ZSWIM6: variants seen among roughly 807,000 people sequenced by gnomAD.
The protein encoded by ZSWIM6 is zinc finger SWIM domain-containing protein 6.
Under a neutral mutation model 113.2 loss-of-function variants are expected in ZSWIM6, and 9 were observed. The ratio of observed to expected loss-of-function variants is 0.08; its 90% CI spans 0.05 to 0.14. ZSWIM6 has a LOEUF of 0.14. Among genes scored for constraint, ZSWIM6 ranks in the 10% least tolerant of loss-of-function variants. The pLI, the probability that ZSWIM6 is intolerant of heterozygous loss-of-function variation, is 1.00. For synonymous variants in ZSWIM6, 611 were observed against 606.5 expected (o/e 1.01, Z -0.11); for missense variants, 1,162 against 1,552.2 (o/e 0.75, Z 4.22).
rs185230335 is a variant in ZSWIM6 at position 61,428,616 on chromosome 5, C to T, written c.677-44065C>T. On this transcript the variant is annotated intron_variant, in intron 1 of 13. Coordinates refer to ENST00000252744, the MANE Select transcript of ZSWIM6 (RefSeq NM_020928.2). ...AGACTCCTGACCTTAAGCCATCCTC[C>T]CACCTTGACCCCCTAAAGTGTTGGA... Among the ~76,000 whole-genome samples the T allele has an allele frequency of 4.6e-5, 7 of 152,092 alleles. No homozygotes were observed. The South Asian group carries it at 1.2e-3, about 27-fold the overall frequency.
In ZSWIM6 at chr5:61,431,346, C is replaced by G. The variant is rs1228341428; in HGVS notation, c.677-41335C>G. 1.1e-4 allele frequency among the ~76,000 whole-genome samples: 15 copies of G among 134,764 alleles called. No homozygotes were observed. The South Asian group carries it at 3.6e-3, about 32-fold the overall frequency. The allele number at this position is 134,764 out of a possible 152,430, so 88.4% of individuals were successfully genotyped here. ...CGAGATCGTGCCACTGCACTCCAGC[C>G]TGGCGACAGAGCAAGACTCCATCTC... On this transcript the variant is annotated intron_variant, in intron 1 of 13. Coordinates refer to ENST00000252744, the MANE Select transcript of ZSWIM6 (RefSeq NM_020928.2).
At chr5:61,490,175 T>G (rs2112213359) in intron 2 of ZSWIM6, among the ~76,000 whole-genome samples, 1 of 152,164 alleles carries the variant, frequency 6.6e-6, no homozygotes, top group East Asian at 1.9e-4. Context: ...GCTGCTATCT[T>G]TGTGTGTACT....
chr5:61,388,748 G>C (rs1673819197), intron 1 of ZSWIM6, among the ~76,000 whole-genome samples: 1 of 152,202 alleles, frequency 6.6e-6, no homozygotes, highest in Non-Finnish European at 1.5e-5. Flanking sequence ...TAGTGACTGA[G>C]AGCTTTGAGT....
chr5:61,342,175 G>A (rs1377323506), intron 1 of ZSWIM6, among the ~76,000 whole-genome samples: 5 of 152,070 alleles, frequency 3.3e-5, no homozygotes, highest in East Asian at 1.9e-4. Context: ...CACCACACCC[G>A]GCCTTTAAAG....
chr5:61,439,457 A>AT (rs1211630148), intron 1 of ZSWIM6, among the ~76,000 whole-genome samples: 3 of 152,198 alleles, frequency 2.0e-5, no homozygotes, highest in Non-Finnish European at 2.9e-5. Flanking sequence ...TGCTTTTTAA[A>AT]TTGTGAAATA....
intron 3 of ZSWIM6, among the ~76,000 whole-genome samples, chr5:61,493,265 C>A (rs944382207): frequency 1.3e-5 from 2 of 152,112 alleles, no homozygotes; most frequent in Non-Finnish European, 1.5e-5. Context: ...ACAACCCCAT[C>A]TGAGTGAGTA....
intron 2 of ZSWIM6, among the ~76,000 whole-genome samples, chr5:61,477,282 T>TGGATTA (rs1288084846): frequency 2.0e-5 from 3 of 152,200 alleles, no homozygotes; most frequent in Non-Finnish European, 1.5e-5. Context: ...TCCCAGGAGC[T>TGGATTA]GGACTAATCC....
chr5:61,397,984 C>G (rs1257997833), intron 1 of ZSWIM6, among the ~76,000 whole-genome samples: 1 of 152,196 alleles, frequency 6.6e-6, no homozygotes, highest in Non-Finnish European at 1.5e-5. Flanking sequence ...CCCTGCTGTC[C>G]TGTAAGCCTC....
At chr5:61,435,157 G>A (rs866440021) in intron 1 of ZSWIM6, among the ~76,000 whole-genome samples, 18 of 152,256 alleles carry the variant, frequency 1.2e-4, no homozygotes, top group South Asian at 2.1e-4. Context: ...ATATGAAGAT[G>A]TCTTAAATAC....
chr5:61,454,214 A>AATTTAATTTTATTTT (rs1747149051), intron 1 of ZSWIM6, among the ~76,000 whole-genome samples: 1 of 128,466 alleles, frequency 7.8e-6, no homozygotes, highest in East Asian at 2.4e-4. Flanking sequence ...GAGTTCCCTA[A>AATTTAATTTTATTTT]ATTTTATTTT....
intron 1 of ZSWIM6, among the ~76,000 whole-genome samples, chr5:61,367,425 C>T (rs1745182583): frequency 6.6e-6 from 1 of 152,042 alleles, no homozygotes; most frequent in Non-Finnish European, 1.5e-5. Context: ...TTCATTTAAA[C>T]AAAGGTTTTT....
intron 4 of ZSWIM6, among the ~76,000 whole-genome samples, chr5:61,498,720 A>G (rs1455278082): frequency 2.0e-5 from 3 of 152,160 alleles, no homozygotes; most frequent in African/African-American, 7.2e-5. Flanking sequence ...AGACTCAAAT[A>G]GTGATTTTTC....
chr5:61,521,554 T>G, intron 5 of ZSWIM6, 112 bp downstream of exon 5: 1 of 836,088 alleles, frequency 1.2e-6, no homozygotes, highest in South Asian at 3.8e-5. Context: ...CTTAAGAACT[T>G]ACAACTCCAG....
chr5:61,462,179 C>T (rs146849002), intron 1 of ZSWIM6, among the ~76,000 whole-genome samples: 157 of 152,268 alleles, frequency 1.0e-3, no homozygotes, highest in African/African-American at 3.5e-3. Context: ...ACTTTTTCTT[C>T]CCAAAACAAG....
In ZSWIM6 at chr5:61,546,130, C is replaced by T. The variant is rs751692250; in HGVS notation, c.*1813C>T. On this transcript the variant is annotated 3_prime_UTR_variant, in exon 14 of 14. Coordinates refer to ENST00000252744, the MANE Select transcript of ZSWIM6 (RefSeq NM_020928.2). ...ACTGTTTTATAAACTTGTTAATGAT[C>T]AACAATTTTTGTTTTGATTAAAATT... 2 of 152,134 alleles carry T rather than the reference C, an allele frequency of 1.3e-5. No homozygotes were observed. The highest frequency in any genetic ancestry group is 2.9e-5 in the Non-Finnish European group (2 of 68,018). 9.4% of individuals were successfully genotyped at this position (152,134 alleles called of 1,614,324 possible).
At chr5:61,497,485 A>G (rs1045907519) in intron 4 of ZSWIM6, among the ~76,000 whole-genome samples, 2 of 152,112 alleles carry the variant, frequency 1.3e-5, no homozygotes, top group African/African-American at 4.8e-5. Flanking sequence ...TTCTTTTCTA[A>G]TATAAGTGCC....
chr5:61,422,281 A>G (rs555568666), intron 1 of ZSWIM6, among the ~76,000 whole-genome samples: 2 of 152,292 alleles, frequency 1.3e-5, no homozygotes, highest in African/African-American at 4.8e-5. Flanking sequence ...ATTCTTTTGC[A>G]TATGGATATC....
chr5:61,364,061 T>C (rs1000199531), intron 1 of ZSWIM6, among the ~76,000 whole-genome samples: 4 of 151,458 alleles, frequency 2.6e-5, no homozygotes, highest in Admixed American at 6.6e-5. Flanking sequence ...TCTCTTTCTT[T>C]CTTTTCTGGG....
chr5:61,463,827 A>G (rs931344893), intron 1 of ZSWIM6, among the ~76,000 whole-genome samples: 3 of 152,174 alleles, frequency 2.0e-5, no homozygotes, highest in Non-Finnish European at 4.4e-5. Flanking sequence ...GAAGAACCCC[A>G]TGAGTTCTTT....
Sources: gnomAD v4.1 joint callset for allele counts (sites outside exome capture counted in the v4.1 genomes callset) on GRCh38, gnomAD v4.1.1 for gene constraint, MANE v1.5 for transcripts, NCBI Gene and HGNC (gene_info 2026-07-23, HGNC 2026-07-21) for gene names.